PPHLN1: variants seen among roughly 807,000 people sequenced by gnomAD.
PPHLN1 encodes the protein periphilin 1, also known as periphilin-1.
PPHLN1 carries 29 observed loss-of-function variants against 51.3 expected under a neutral mutation model. That is an observed-to-expected ratio of 0.57 (90% confidence interval 0.42 to 0.77). PPHLN1 has a LOEUF of 0.77. Among genes scored for constraint, PPHLN1 ranks in the 30% least tolerant of loss-of-function variants. The pLI is 0.00. For missense variants in PPHLN1, 436 were observed against 438.4 expected, an observed-to-expected ratio of 0.99 and a Z score of 0.05; for synonymous variants, 147 against 147.8, an observed-to-expected ratio of 0.99 and a Z score of 0.04.
At chr12:42,350,713 G>C (rs56755189) in intron 2 of PPHLN1, among the ~76,000 whole-genome samples, 24,739 of 152,144 alleles carry the variant, frequency 0.16, 2,071 homozygotes, top group Admixed American at 0.2. Flanking sequence ...CTGCGATCCC[G>C]GCACCTCGGG....
intron 2 of PPHLN1, among the ~76,000 whole-genome samples, chr12:42,340,564 A>G (rs928547919): frequency 6.6e-6 from 1 of 152,224 alleles, no homozygotes; most frequent in African/African-American, 2.4e-5. Context: ...ATTAAAAGAA[A>G]GAAGTCAGTC....
At chr12:42,433,281 G>A in intron 9 of PPHLN1, 1 of 660,704 alleles carries the variant, frequency 1.5e-6, no homozygotes, top group East Asian at 3.0e-5. Context: ...ATCAGATGGT[G>A]GAGGTAATCT....
At chr12:42,425,246 AT>A (rs34484756) in intron 9 of PPHLN1, among the ~76,000 whole-genome samples, 255 of 124,788 alleles carry the variant, frequency 2.0e-3, no homozygotes, top group East Asian at 7.6e-3. Context: ...TGCCTGGCTA[AT>A]TTTTTTTTTT....
downstream of PPHLN1, chr12:42,442,812 C>T: frequency 1.2e-6 from 2 of 1,604,700 alleles, no homozygotes; most frequent in Non-Finnish European, 1.7e-6. Context: ...CATCATGGGA[C>T]AACAGCTATC....
intron 9 of PPHLN1, among the ~76,000 whole-genome samples, chr12:42,427,167 A>G (rs1023748183): frequency 1.3e-5 from 2 of 152,206 alleles, no homozygotes; most frequent in Non-Finnish European, 2.9e-5. Context: ...TATTTCATGA[A>G]GACTGGACTA....
intron 2 of PPHLN1, among the ~76,000 whole-genome samples, chr12:42,336,335 C>G (rs2070663958): frequency 6.6e-6 from 1 of 152,056 alleles, no homozygotes; most frequent in African/African-American, 2.4e-5. Flanking sequence ...TTCTATATTC[C>G]TAAAAATGTT....
chr12:42,350,753 A>G (rs1035154885), intron 2 of PPHLN1, among the ~76,000 whole-genome samples: 1 of 152,198 alleles, frequency 6.6e-6, no homozygotes, highest in Non-Finnish European at 1.5e-5. Flanking sequence ...ACTCGAGGTC[A>G]GGAGCTGGAG....
chr12:42,344,734 A>T (rs890993871), intron 2 of PPHLN1, among the ~76,000 whole-genome samples: 1 of 139,918 alleles, frequency 7.1e-6, no homozygotes, highest in Non-Finnish European at 1.5e-5. Context: ...TTTGAGACAG[A>T]GTCTTGCTCT....
chr12:42,372,578 G>C (rs7312066), intron 4 of PPHLN1, among the ~76,000 whole-genome samples: 30,108 of 151,980 alleles, frequency 0.2, 3,409 homozygotes, highest in South Asian at 0.27. Context: ...ATGTTTCTCT[G>C]TTCTCCCATT....
intron 9 of PPHLN1, among the ~76,000 whole-genome samples, chr12:42,406,217 G>A (rs1398170837): frequency 6.6e-6 from 1 of 151,646 alleles, no homozygotes; most frequent in Non-Finnish European, 1.5e-5. Flanking sequence ...CCGAGTAGCT[G>A]GGACTACAGG....
rs141259142 is a variant in PPHLN1 at position 42,372,737 on chromosome 12, C to T, written c.300-2126C>T. On this transcript the variant is annotated intron_variant, in intron 4 of 9. Coordinates refer to ENST00000358314, the MANE Select transcript of PPHLN1 (RefSeq NM_201439.2). ...ATTTATATTGATAGCCAAAAATGTC[C>T]TCTGAGTTTGAGACTAGTATCTTTA... Among the ~76,000 whole-genome samples, 1,359 of 152,214 alleles carry T rather than the reference C, an allele frequency of 8.9e-3. 11 individuals are homozygous for T. The highest frequency in any genetic ancestry group is 0.014 in the Non-Finnish European group (960 of 68,000).
At chr12:42,326,851 C>T (rs937311106) in intron 1 of PPHLN1, among the ~76,000 whole-genome samples, 8 of 152,180 alleles carry the variant, frequency 5.3e-5, no homozygotes, top group Admixed American at 1.3e-4. Context: ...CCAGCACATA[C>T]AGACCAGGCC....
At chr12:42,404,363 T>A (rs1317925316) in intron 9 of PPHLN1, among the ~76,000 whole-genome samples, 1 of 152,114 alleles carries the variant, frequency 6.6e-6, no homozygotes, top group African/African-American at 2.4e-5. Context: ...ACACCATCTC[T>A]ACTAAAAATA....
At chr12:42,431,424 C>G (rs2082025132) in intron 9 of PPHLN1, among the ~76,000 whole-genome samples, 1 of 152,150 alleles carries the variant, frequency 6.6e-6, no homozygotes, top group Non-Finnish European at 1.5e-5. Context: ...TTATAGCCAG[C>G]AACTTTTTTT....
At chr12:42,367,499 C>G (rs577818622) in intron 4 of PPHLN1, among the ~76,000 whole-genome samples, 1 of 151,986 alleles carries the variant, frequency 6.6e-6, no homozygotes, top group Admixed American at 6.5e-5. Context: ...AAACAAAACC[C>G]TTTCCTAGAT....
At chr12:42,436,908 A>T (rs2082531216) in intron 9 of PPHLN1, among the ~76,000 whole-genome samples, 1 of 152,226 alleles carries the variant, frequency 6.6e-6, no homozygotes, top group Non-Finnish European at 1.5e-5. Flanking sequence ...ACTGCAGTTT[A>T]CAGCAGGTAA....
intron 2 of PPHLN1, among the ~76,000 whole-genome samples, chr12:42,351,126 T>G (rs1565791866): frequency 6.6e-6 from 1 of 152,178 alleles, no homozygotes. Flanking sequence ...TGATATTGAT[T>G]GATGTGTCAT....
At chr12:42,430,017 A>T (rs1386293591) in intron 9 of PPHLN1, among the ~76,000 whole-genome samples, 8 of 152,032 alleles carry the variant, frequency 5.3e-5, no homozygotes, top group African/African-American at 1.4e-4. Context: ...GTCTTTTTGT[A>T]TGTGAATGAG....
intron 8 of PPHLN1, chr12:42,398,438 C>G (rs552723558): frequency 1.6e-3 from 239 of 154,132 alleles, no homozygotes; most frequent in African/African-American, 5.5e-3. Context: ...AAGGAATAGT[C>G]AAGGGACAAT....
Sources: gnomAD v4.1 joint callset for allele counts (sites outside exome capture counted in the v4.1 genomes callset) on GRCh38, gnomAD v4.1.1 for gene constraint, MANE v1.5 for transcripts, NCBI Gene and HGNC (gene_info 2026-07-23, HGNC 2026-07-21) for gene names.